GABRA1: variants seen among roughly 807,000 people sequenced by gnomAD.
GABRA1 encodes the protein gamma-aminobutyric acid receptor subunit alpha-1.
GABRA1 carries 9 observed loss-of-function variants against 48.9 expected under a neutral mutation model. The observed-to-expected ratio is 0.18, with a 90% CI of 0.11 to 0.32. GABRA1 has a LOEUF of 0.32. Among genes scored for constraint, GABRA1 ranks in the 10% least tolerant of loss-of-function variants. The probability of loss-of-function intolerance (pLI) is 1.00; values close to 1 mark genes in which losing one functional copy is unlikely to be tolerated. For synonymous variants in GABRA1, 210 were observed against 198.7 expected (o/e 1.06, Z -0.48); for missense variants, 285 against 553.8 (o/e 0.51, Z 4.87).
intron 7 of GABRA1, among the ~76,000 whole-genome samples, chr5:161,888,526 A>T (rs1272744661): frequency 6.6e-6 from 1 of 152,096 alleles, no homozygotes; most frequent in Non-Finnish European, 1.5e-5. Flanking sequence ...TCATGTTGAG[A>T]ACAACAAAAG....
At chr5:161,888,048 A>C (rs1485724165) in intron 7 of GABRA1, among the ~76,000 whole-genome samples, 2 of 151,822 alleles carry the variant, frequency 1.3e-5, no homozygotes, top group Non-Finnish European at 1.5e-5. Context: ...CTTTTCTTCC[A>C]CTCTCCTTAA....
At chr5:161,863,528 C>A (rs897774672) in intron 3 of GABRA1, among the ~76,000 whole-genome samples, 3 of 152,098 alleles carry the variant, frequency 2.0e-5, no homozygotes, top group African/African-American at 7.2e-5. Flanking sequence ...TCAATTATCA[C>A]CAAGGAGATG....
At position 161,850,807 on chromosome 5, in the gene GABRA1, C is replaced by T. The variant is rs375475234; in HGVS notation, c.-4C>T. The T allele has an allele frequency of 1.6e-4, 265 of 1,613,814 alleles. No homozygotes were observed. The highest frequency in any genetic ancestry group is 8.3e-4 in the Admixed American group (50 of 59,996). ...ATTCTACTTTTCAGCTGCTCCAGCC[C>T]GCGATGAGGAAAAGTCCAGGTCTGT... On this transcript the variant is annotated 5_prime_UTR_variant, in exon 2 of 10. Transcript: ENST00000393943.
chr5:161,881,139 T>A (rs1400668675), intron 6 of GABRA1, among the ~76,000 whole-genome samples: 1 of 152,328 alleles, frequency 6.6e-6, no homozygotes, highest in East Asian at 1.9e-4. Flanking sequence ...CTGTGCCTAA[T>A]GGAGAAGTTG....
At chr5:161,879,409 G>C (rs1344963761) in intron 6 of GABRA1, among the ~76,000 whole-genome samples, 1 of 152,178 alleles carries the variant, frequency 6.6e-6, no homozygotes, top group African/African-American at 2.4e-5. Context: ...ACCGTGCCCA[G>C]CCACCTTGTG....
At chr5:161,858,292 C>G (rs887539257) in intron 3 of GABRA1, among the ~76,000 whole-genome samples, 23 of 151,618 alleles carry the variant, frequency 1.5e-4, no homozygotes, top group Non-Finnish European at 1.5e-5. Context: ...AAATAATGCT[C>G]CTGCTGTACT....
intron 3 of GABRA1, among the ~76,000 whole-genome samples, chr5:161,855,325 T>C (rs191836631): frequency 9.0e-4 from 136 of 151,760 alleles, no homozygotes; most frequent in African/African-American, 2.8e-3. Flanking sequence ...TATAATGACA[T>C]GGTTGTGTAT....
chr5:161,864,128 GC>G lies in GABRA1; in HGVS notation c.188-1592del, dbSNP rs1329825465. Among the ~76,000 whole-genome samples the G allele has an allele frequency of 1.3e-5, 2 of 151,986 alleles. 1 individual carries two copies. The highest frequency in any genetic ancestry group is 3.9e-4 in the East Asian group (2 of 5,168). On this transcript the variant is annotated intron_variant, in intron 3 of 9. Coordinates refer to ENST00000393943, the MANE Select transcript of GABRA1 (RefSeq NM_001127644.2). Reference sequence around the variant, plus strand: ...GTCATAAGCTATGTTCTCATTTTGAGCTTTTAAAAGGGTAAACTGCAGATAA... The same window carrying G: ...GTCATAAGCTATGTTCTCATTTTGAGTTTTAAAAGGGTAAACTGCAGATAA...
chr5:161,887,389 A>G (rs1486234005), intron 7 of GABRA1, among the ~76,000 whole-genome samples: 1 of 152,102 alleles, frequency 6.6e-6, no homozygotes, highest in Non-Finnish European at 1.5e-5. Flanking sequence ...CCATTTATGA[A>G]GCCTAGTACA....
Position 161,895,656 on chromosome 5 carries a change from T to G in GABRA1, c.857-10T>G. 1 of 1,612,342 alleles carries G rather than the reference T, an allele frequency of 6.2e-7. No individual in the cohort carries two copies. Among genetic ancestry groups the G allele is most frequent in the Non-Finnish European group, 8.5e-7 (1 of 1,178,792 alleles). ...ACTGGCATCATGTATGTTTTTTTTT[T>G]TCTTTACAGGAGTAACAACTGTGCT... On this transcript the variant is annotated splice_polypyrimidine_tract_variant and intron_variant, in intron 8 of 9. Transcript: ENST00000393943.
intron 7 of GABRA1, among the ~76,000 whole-genome samples, chr5:161,884,166 G>A (rs1441668089): frequency 2.0e-5 from 3 of 152,054 alleles, no homozygotes; most frequent in Non-Finnish European, 4.4e-5. Context: ...TGTTGCTATG[G>A]TCCTGAAATA....
intron 3 of GABRA1, among the ~76,000 whole-genome samples, chr5:161,865,308 G>A (rs1758009005): frequency 6.6e-6 from 1 of 152,084 alleles, no homozygotes; most frequent in Admixed American, 6.6e-5. Flanking sequence ...GCTTGCTAAA[G>A]TACACTATCT....
intron 7 of GABRA1, among the ~76,000 whole-genome samples, chr5:161,886,225 C>A (rs1239646699): frequency 6.6e-6 from 1 of 152,008 alleles, no homozygotes; most frequent in Non-Finnish European, 1.5e-5. Flanking sequence ...GCATCAGAGA[C>A]ACATGAGATG....
intron 5 of GABRA1, among the ~76,000 whole-genome samples, chr5:161,873,883 C>T (rs1177304515): frequency 6.6e-6 from 1 of 152,100 alleles, no homozygotes; most frequent in African/African-American, 2.4e-5. Flanking sequence ...ATAAACATTT[C>T]CCTCTCTTTA....
chr5:161,895,977 A>T, intron 9 of GABRA1, 109 bp downstream of exon 9: 1 of 943,688 alleles, frequency 1.1e-6, no homozygotes, highest in Non-Finnish European at 1.7e-6. Flanking sequence ...AATAATAAGG[A>T]TTCTTTTTTT....
chr5:161,882,850 G>A (rs549537549), intron 7 of GABRA1, 149 bp downstream of exon 7: 59 of 790,710 alleles, frequency 7.5e-5, no homozygotes, highest in African/African-American at 7.2e-4. Context: ...ATGTAAACTC[G>A]GTAGACCTGT....
intron 6 of GABRA1, among the ~76,000 whole-genome samples, chr5:161,878,713 T>C (rs1163026445): frequency 6.6e-6 from 1 of 152,188 alleles, no homozygotes; most frequent in Non-Finnish European, 1.5e-5. Context: ...ATGATACAAC[T>C]GTGATCGTTT....
Position 161,854,167 on chromosome 5 carries a change from G to A in GABRA1, c.84G>A (p.Gln28=), listed in dbSNP as rs1264701196. ...TTATGTTTTTTTTCAGCTATGGACA[G>A]CCGTCATTACAAGATGAACTTAAAG... ...LSTLTGRSYG[Q]PSLQDELKDN... is the part of the protein sequence containing the mutation. Residue 28 remains glutamine (Q), a synonymous_variant, in exon 3 of 10, where the codon CAG becomes CAA. Coordinates refer to ENST00000393943, the MANE Select transcript of GABRA1 (RefSeq NM_001127644.2). The A allele has an allele frequency of 6.3e-7, 1 of 1,582,940 alleles. No individual in the cohort carries two copies. Among genetic ancestry groups the A allele is most frequent in the East Asian group, 2.2e-5 (1 of 44,620 alleles).
chr5:161,862,404 AT>A (rs1171030809), intron 3 of GABRA1, among the ~76,000 whole-genome samples: 1 of 151,294 alleles, frequency 6.6e-6, no homozygotes, highest in African/African-American at 2.4e-5. Context: ...CTTTTTTTTA[AT>A]TTTTTTCCTC....
Sources: gnomAD v4.1 joint callset for allele counts (sites outside exome capture counted in the v4.1 genomes callset) on GRCh38, gnomAD v4.1.1 for gene constraint, MANE v1.5 for transcripts, NCBI Gene and HGNC (gene_info 2026-07-23, HGNC 2026-07-21) for gene names.